The following CHST13 variants were observed in gnomAD, a reference collection of about 807,000 sequenced individuals.
The protein encoded by CHST13 is carbohydrate sulfotransferase 13.
Under a neutral mutation model 7.0 loss-of-function variants are expected in CHST13, and 1 was observed. The observed-to-expected ratio is 0.14, with a 90% confidence interval of 0.05 to 0.68. The LOEUF is 0.68. Among genes scored for constraint, CHST13 ranks in the 30% least tolerant of loss-of-function variants. CHST13 has a pLI of 0.82. For missense variants in CHST13, 572 were observed against 507.9 expected (o/e 1.13, Z -1.21); for synonymous variants, 257 against 240.9 (o/e 1.07, Z -0.62).
rs757872487 is a variant in CHST13, at chr3:126,542,524, G to T, written c.972G>T (p.Lys324Asn). Residue 324 changes from lysine (K) to asparagine (N), a missense_variant, in exon 3 of 3, where the codon AAG becomes AAT. Coordinates refer to ENST00000319340, the MANE Select transcript of CHST13 (RefSeq NM_152889.3). ...FYQRRLFDLY[K>N]MDFLLFNYSA... ...AGCGGCGCCTCTTCGACCTCTACAA[G>T]ATGGACTTCCTGCTTTTCAACTACT... 6.5e-7 allele frequency: 1 copy of T among 1,544,860 alleles called. No homozygotes were observed.
intron 2 of CHST13, among the ~76,000 whole-genome samples, chr3:126,539,777 A>ACACACAC (rs1464592988): frequency 0.04 from 2,843 of 70,372 alleles, 148 homozygotes; most frequent in African/African-American, 0.11. Flanking sequence ...CACACAGCAC[A>ACACACAC]CACACACCAC....
At chr3:126,539,488 T>C (rs184679853) in intron 2 of CHST13, among the ~76,000 whole-genome samples, 3 of 107,706 alleles carry the variant, frequency 2.8e-5, no homozygotes, top group Admixed American at 8.8e-5. Context: ...CACACACACA[T>C]ATGTACCCCA....
intron 1 of CHST13, among the ~76,000 whole-genome samples, chr3:126,529,786 C>T (rs1936612906): frequency 6.6e-6 from 1 of 152,216 alleles, no homozygotes; most frequent in African/African-American, 2.4e-5. Context: ...CCCCTTCTCT[C>T]CCCTGTCTCC....
chr3:126,540,962 AG>A (rs1253160832), intron 2 of CHST13, among the ~76,000 whole-genome samples: 6 of 152,338 alleles, frequency 3.9e-5, no homozygotes, highest in South Asian at 2.1e-4. Context: ...AAAAAATCAT[AG>A]GCAGGGGTGT....
chr3:126,541,844 C>T lies in CHST13; in HGVS notation c.292C>T (p.His98Tyr). 6.3e-7 allele frequency: 1 copy of T among 1,580,012 alleles called. No individual in the cohort carries two copies. The highest frequency in any genetic ancestry group is 1.4e-5 in the African/African-American group (1 of 73,762). The change falls in exon 3 of 3, where the codon CAC becomes TAC. Residue 98 changes from histidine (H) to tyrosine (Y), a missense_variant. Physicochemically the swap from His to Tyr is moderately conservative, Grantham distance 83. Transcript: ENST00000319340. ...QRLLQPEDLR[H>Y]VLVDDAHGLL... is the part of the protein sequence containing the mutation. The stretch of plus-strand genomic sequence containing the variant: ...CCTGCTACAGCCGGAGGACCTGCGG[C>T]ACGTGCTGGTGGACGACGCGCATGG...
intron 2 of CHST13, 117 bp from the exon 3 acceptor site, chr3:126,541,616 G>A (rs1038058598): frequency 2.0e-6 from 2 of 991,866 alleles, no homozygotes; most frequent in Non-Finnish European, 2.8e-6. Context: ...TCGAATTTGG[G>A]TGCCCGGCGC....
At position 126,542,284 on chromosome 3, in the gene CHST13, CG is replaced by C; in HGVS notation, c.733del (p.Glu245SerfsTer42). 1 of 1,565,784 alleles carries C rather than the reference CG, an allele frequency of 6.4e-7. No individual in the cohort carries two copies. The highest frequency in any genetic ancestry group is 8.6e-7 in the Non-Finnish European group (1 of 1,161,228). On this transcript the variant is annotated frameshift_variant, in exon 3 of 3. Transcript: ENST00000319340. LOFTEE classifies it low-confidence loss of function (END_TRUNC). ...GCACGCGGCGTGAGGAGCCCTTCAA[CG>C]AGCACTGGGAGCGCGCGCACGCGCT... Reference protein sequence around the residue: ...PRTRREEPFNEHWERAHALCH... With the variant: ...PRTRREEPFNXHWERAHALCH...
intron 2 of CHST13, among the ~76,000 whole-genome samples, chr3:126,536,932 ACAC>A (rs1576232183): frequency 1.4e-5 from 2 of 147,766 alleles, no homozygotes; most frequent in East Asian, 3.9e-4. Context: ...CACCCCACAC[ACAC>A]AAGTACTTAT....
chr3:126,537,580 T>C (rs995749636), intron 2 of CHST13, among the ~76,000 whole-genome samples: 1 of 152,134 alleles, frequency 6.6e-6, no homozygotes, highest in African/African-American at 2.4e-5. Flanking sequence ...AGAGTGTGAC[T>C]GACTGACTCT....
At chr3:126,536,923 A>ACACACC (rs557001264) in intron 2 of CHST13, among the ~76,000 whole-genome samples, 5 of 141,458 alleles carry the variant, frequency 3.5e-5, no homozygotes, top group African/African-American at 1.4e-4. Flanking sequence ...ACACACACAC[A>ACACACC]CCCCACACAC....
At chr3:126,536,921 A>ACC (rs1312821065) in intron 2 of CHST13, among the ~76,000 whole-genome samples, 1 of 146,692 alleles carries the variant, frequency 6.8e-6, no homozygotes, top group African/African-American at 2.7e-5. Context: ...ACACACACAC[A>ACC]CACCCCACAC....
Position 126,542,116 on chromosome 3 carries a change from C to A in CHST13, c.564C>A (p.Leu188=), listed in dbSNP as rs1185565658. The A allele has an allele frequency of 6.3e-7, 1 of 1,578,214 alleles. No homozygotes were observed. Among genetic ancestry groups the A allele is most frequent in the South Asian group, 1.1e-5 (1 of 89,238 alleles). ...ERLASAYRNK[L]ARPYSAAFQR... ...TGGCATCGGCTTACCGCAACAAGCT[C>A]GCGCGCCCCTACAGCGCCGCCTTCC... The change falls in exon 3 of 3, where the codon CTC becomes CTA. Residue 188 remains leucine, a synonymous_variant. Coordinates refer to ENST00000319340, the MANE Select transcript of CHST13 (RefSeq NM_152889.3).
At chr3:126,535,659 CTGGAGA>C in intron 1 of CHST13, among the ~76,000 whole-genome samples, 1 of 152,296 alleles carries the variant, frequency 6.6e-6, no homozygotes, top group East Asian at 1.9e-4. Context: ...CTGTCCTCAG[CTGGAGA>C]CAGACAGACA....
Position 126,541,909 on chromosome 3 carries a change from C to G in CHST13, c.357C>G (p.Asn119Lys). 1 of 1,600,316 alleles carries G rather than the reference C, an allele frequency of 6.2e-7. No individual in the cohort carries two copies. Among genetic ancestry groups the G allele is most frequent in the Non-Finnish European group, 8.5e-7 (1 of 1,174,052 alleles). Residue 119 changes from asparagine (N) to lysine (K), a missense_variant, in exon 3 of 3, where the codon AAC becomes AAG. Coordinates refer to ENST00000319340, the MANE Select transcript of CHST13 (RefSeq NM_152889.3). Reference protein sequence around the residue: ...YCYVPKVACTNWKRVLLALSG... With the variant: ...YCYVPKVACTKWKRVLLALSG... Reference sequence around the variant, plus strand: ...ACGTGCCCAAGGTGGCCTGCACCAACTGGAAGCGCGTGCTGCTGGCGCTGA... The same window carrying G: ...ACGTGCCCAAGGTGGCCTGCACCAAGTGGAAGCGCGTGCTGCTGGCGCTGA...
intron 1 of CHST13, chr3:126,529,502 G>GA (rs1936605698): frequency 1.3e-6 from 1 of 745,372 alleles, no homozygotes; most frequent in Non-Finnish European, 1.9e-6. Context: ...GCACAGCAAG[G>GA]AAGCTGTGAG....
At chr3:126,539,183 C>T (rs1873395) in intron 2 of CHST13, among the ~76,000 whole-genome samples, 17,059 of 152,240 alleles carry the variant, frequency 0.11, 1,511 homozygotes, top group African/African-American at 0.25. Context: ...CCACCACCTA[C>T]TCCCACCTGG....
At chr3:126,537,895 T>A (rs1936831682) in intron 2 of CHST13, among the ~76,000 whole-genome samples, 1 of 152,204 alleles carries the variant, frequency 6.6e-6, no homozygotes, top group South Asian at 2.1e-4. Context: ...GCAAGTGCCC[T>A]GCAAAGGTCA....
At chr3:126,534,927 G>A (rs1408978065) in intron 1 of CHST13, among the ~76,000 whole-genome samples, 3 of 148,438 alleles carry the variant, frequency 2.0e-5, no homozygotes, top group Middle Eastern at 3.8e-3. Flanking sequence ...GTCCCCAGCC[G>A]GGAGACAGAC....
At chr3:126,531,761 T>C (rs926046495) in intron 1 of CHST13, among the ~76,000 whole-genome samples, 7 of 152,270 alleles carry the variant, frequency 4.6e-5, no homozygotes, top group African/African-American at 1.7e-4. Flanking sequence ...TGAATAATGC[T>C]GATGGGAACA....
Sources: allele counts gnomAD v4.1 joint callset (sites outside exome capture counted in the v4.1 genomes callset), GRCh38; gene constraint gnomAD v4.1.1; transcripts MANE v1.5; gene names NCBI Gene and HGNC (gene_info 2026-07-23, HGNC 2026-07-21).